EIF2B3: variants seen among roughly 807,000 people sequenced by gnomAD.
EIF2B3 encodes the protein eukaryotic translation initiation factor 2B subunit gamma.
A neutral mutation model predicts 54.1 loss-of-function variants in EIF2B3; 20 were observed. That is an observed-to-expected ratio of 0.37 (90% CI 0.26 to 0.54). The LOEUF (loss-of-function observed/expected upper bound fraction) is 0.54. EIF2B3 is among the 20% of genes least tolerant of loss of function. The pLI, the probability that EIF2B3 is intolerant of heterozygous loss-of-function variation, is 0.86. For synonymous variants in EIF2B3, 153 were observed against 188.1 expected (o/e 0.81, Z 1.52); for missense variants, 448 against 547.8 (o/e 0.82, Z 1.82).
chr1:44,951,374 C>T (rs1203170065), intron 3 of EIF2B3, among the ~76,000 whole-genome samples: 2 of 152,224 alleles, frequency 1.3e-5, no homozygotes, highest in East Asian at 3.8e-4. Context: ...ACTTTTTACT[C>T]TGGCTCCAGC....
At chr1:44,882,643 C>T (rs1395013759) in intron 6 of EIF2B3, among the ~76,000 whole-genome samples, 3 of 147,456 alleles carry the variant, frequency 2.0e-5, no homozygotes, top group Admixed American at 1.3e-4. Flanking sequence ...TTGAGACAGT[C>T]TTGCTCTATC....
intron 10 of EIF2B3, among the ~76,000 whole-genome samples, chr1:44,869,769 T>C (rs1200107669): frequency 6.6e-6 from 1 of 151,772 alleles, no homozygotes; most frequent in African/African-American, 2.4e-5. Context: ...CCTGGCTAAT[T>C]TGGCCAATTC....
At chr1:44,912,477 C>G (rs918596930) in intron 5 of EIF2B3, among the ~76,000 whole-genome samples, 3 of 152,104 alleles carry the variant, frequency 2.0e-5, no homozygotes, top group African/African-American at 7.2e-5. Flanking sequence ...ATTCAAGGCT[C>G]TCTATTTTTA....
intron 5 of EIF2B3, among the ~76,000 whole-genome samples, chr1:44,913,844 T>TTTTTTTGAGGCAG (rs1569704480): frequency 6.9e-6 from 1 of 145,766 alleles, no homozygotes; most frequent in African/African-American, 2.5e-5. Context: ...TTTTTTTTTT[T>TTTTTTTGAGGCAG]AGATGGAGTT....
chr1:44,984,885 C>A (rs1173259471), intron 1 of EIF2B3, among the ~76,000 whole-genome samples: 2 of 142,378 alleles, frequency 1.4e-5, no homozygotes, highest in African/African-American at 5.3e-5. Context: ...CGGCTCACTG[C>A]AAGCTCCGCT....
chr1:44,947,454 G>T (rs1408544970), intron 3 of EIF2B3, among the ~76,000 whole-genome samples: 1 of 152,144 alleles, frequency 6.6e-6, no homozygotes. Context: ...AGTAAAATTA[G>T]AGGGGAAAAA....
chr1:44,872,676 C>T (rs911518666), intron 10 of EIF2B3, among the ~76,000 whole-genome samples: 2 of 151,918 alleles, frequency 1.3e-5, no homozygotes, highest in African/African-American at 4.8e-5. Context: ...ACACTACCCC[C>T]AAAACCACTC....
intron 5 of EIF2B3, among the ~76,000 whole-genome samples, chr1:44,920,098 G>A (rs1047509103): frequency 4.7e-5 from 7 of 149,316 alleles, no homozygotes; most frequent in African/African-American, 1.7e-4. Flanking sequence ...GCAATGATGC[G>A]ATCTAGGCTC....
chr1:44,868,165 G>A (rs1291699720), intron 10 of EIF2B3, among the ~76,000 whole-genome samples: 5 of 152,038 alleles, frequency 3.3e-5, no homozygotes, highest in African/African-American at 9.7e-5. Context: ...TTGGGAGGCC[G>A]AGGCGAGCGG....
intron 10 of EIF2B3, among the ~76,000 whole-genome samples, chr1:44,864,484 C>T (rs184640166): frequency 1.3e-5 from 2 of 152,240 alleles, no homozygotes; most frequent in East Asian, 3.9e-4. Context: ...ATAGCTTGAA[C>T]CCAGGAGGCA....
In EIF2B3 at chr1:44,875,663, T is replaced by C. The variant is rs1655100927; in HGVS notation, c.1008A>G (p.Glu336=). The change falls in exon 9 of 12, where the codon GAA becomes GAG. Residue 336 remains glutamate, a synonymous_variant. Transcript: ENST00000360403. ...GGGCTGACGAATGGACTGGTGGTTCTTCTGGACAGAGAGCAGACAGCAATT... is the reference window on the plus strand; with the variant it reads ...GGGCTGACGAATGGACTGGTGGTTCCTCTGGACAGAGAGCAGACAGCAATT... ...VPKLLSALCP[E]EPPVHSSAQI... 6.2e-7 allele frequency: 1 copy of C among 1,614,128 alleles called. No homozygotes were observed.
chr1:44,928,005 T>TA (rs1643868846), intron 4 of EIF2B3, among the ~76,000 whole-genome samples: 1 of 150,780 alleles, frequency 6.6e-6, no homozygotes, highest in African/African-American at 2.4e-5. Flanking sequence ...CTACAAATAA[T>TA]AAAAAAATTA....
chr1:44,882,928 CTTTTTTTTTT>C (rs1003449669), intron 6 of EIF2B3, among the ~76,000 whole-genome samples: 1 of 114,456 alleles, frequency 8.7e-6, no homozygotes, highest in Non-Finnish European at 1.8e-5. Context: ...TTTTCTTTTT[CTTTTTTTTTT>C]TTTTTTTTTG....
At chr1:44,913,723 A>C (rs1643564123) in intron 5 of EIF2B3, among the ~76,000 whole-genome samples, 1 of 150,672 alleles carries the variant, frequency 6.6e-6, no homozygotes, top group Non-Finnish European at 1.5e-5. Context: ...GCTGGTCTCA[A>C]ACTCCTGGCC....
intron 3 of EIF2B3, among the ~76,000 whole-genome samples, chr1:44,976,493 C>T (rs1644454246): frequency 6.6e-6 from 1 of 152,206 alleles, no homozygotes; most frequent in South Asian, 2.1e-4. Flanking sequence ...CTCTTACAAA[C>T]TGTTGATGAA....
chr1:44,880,159 T>C, intron 7 of EIF2B3, 151 bp from the exon 8 acceptor site: 1 of 809,278 alleles, frequency 1.2e-6, no homozygotes, highest in Non-Finnish European at 2.0e-6. Flanking sequence ...CAAGGGATCC[T>C]CCCACCTCAG....
intron 5 of EIF2B3, among the ~76,000 whole-genome samples, chr1:44,910,871 T>C (rs540767161): frequency 1.3e-4 from 19 of 151,974 alleles, no homozygotes; most frequent in Admixed American, 2.6e-4. Context: ...TTTCCATAGG[T>C]TTTGGGGGAA....
At chr1:44,981,789 T>C (rs1378104462) in intron 1 of EIF2B3, among the ~76,000 whole-genome samples, 1 of 151,702 alleles carries the variant, frequency 6.6e-6, no homozygotes, top group Non-Finnish European at 1.5e-5. Context: ...TACAAAAAAT[T>C]AGCCAGGGGT....
intron 5 of EIF2B3, among the ~76,000 whole-genome samples, chr1:44,924,672 C>A (rs997985470): frequency 2.0e-5 from 3 of 152,230 alleles, no homozygotes; most frequent in African/African-American, 4.8e-5. Context: ...AGGCGTGAGC[C>A]ACCATGCCTG....
Sources: gnomAD v4.1 joint callset for allele counts (sites outside exome capture counted in the v4.1 genomes callset) on GRCh38, gnomAD v4.1.1 for gene constraint, MANE v1.5 for transcripts, NCBI Gene and HGNC (gene_info 2026-07-23, HGNC 2026-07-21) for gene names.